The following EGFLAM variants were observed in gnomAD, a reference collection of about 807,000 sequenced individuals.
The protein encoded by EGFLAM is pikachurin.
Under a neutral mutation model 113.1 loss-of-function variants are expected in EGFLAM, and 79 were observed. That is an observed-to-expected ratio of 0.70 (90% confidence interval 0.58 to 0.84). The LOEUF is 0.84. EGFLAM is among the 40% of genes least tolerant of loss of function. The pLI is 0.00. For missense variants in EGFLAM, 1,265 were observed against 1,291.6 expected (o/e 0.98, Z 0.32); for synonymous variants, 504 against 487.6 (o/e 1.03, Z -0.44).
intron 6 of EGFLAM, among the ~76,000 whole-genome samples, chr5:38,374,457 C>T (rs1268870155): frequency 6.6e-6 from 1 of 152,012 alleles, no homozygotes; most frequent in East Asian, 1.9e-4. Flanking sequence ...GGTTTTCTTG[C>T]TGTCTTCTGT....
At chr5:38,283,901 C>T (rs564274730) in intron 1 of EGFLAM, 4 of 152,400 alleles carry the variant, frequency 2.6e-5, no homozygotes, top group East Asian at 3.9e-4. Flanking sequence ...TGTTCCTGCT[C>T]TCTAGTCACA....
intron 5 of EGFLAM, among the ~76,000 whole-genome samples, chr5:38,370,027 A>G (rs572299594): frequency 3.3e-4 from 50 of 152,348 alleles, no homozygotes; most frequent in African/African-American, 1.1e-3. Context: ...TCTTTTCATC[A>G]TAGTGAGGGC....
intron 1 of EGFLAM, among the ~76,000 whole-genome samples, chr5:38,266,261 A>G (rs1380988899): frequency 6.6e-6 from 1 of 152,142 alleles, no homozygotes; most frequent in Middle Eastern, 3.2e-3. Context: ...TATTCCACAC[A>G]TTGGGGTTCA....
chr5:38,339,331 C>T (rs1265731192), intron 3 of EGFLAM, among the ~76,000 whole-genome samples: 1 of 151,876 alleles, frequency 6.6e-6, no homozygotes, highest in Admixed American at 6.6e-5. Flanking sequence ...AATTTTTGGC[C>T]TTAGGCATCT....
chr5:38,459,694 T>C (rs1460286210), intron 20 of EGFLAM, among the ~76,000 whole-genome samples: 1 of 151,942 alleles, frequency 6.6e-6, no homozygotes, highest in Non-Finnish European at 1.5e-5. Flanking sequence ...ATGGCTACTT[T>C]CCTACTCAGC....
Position 38,412,548 on chromosome 5 carries a change from A to G in EGFLAM, c.1394A>G (p.Lys465Arg), listed in dbSNP as rs770384140. The G allele has an allele frequency of 6.2e-7, 1 of 1,614,158 alleles. No individual in the cohort carries two copies. The highest frequency in any genetic ancestry group is 1.1e-5 in the South Asian group (1 of 91,078). The part of the protein sequence containing the change: ...TGVAIIVSET[K>R]IKLGGWHTVM... ...GTTGCCATCATCGTAAGTGAGACCA[A>G]AATCAAACTAGGGGGTTGGCACACG... Residue 465 changes from lysine (K) to arginine (R), a missense_variant, in exon 11 of 22, where the codon AAA (lysine) becomes AGA (arginine). By Grantham distance (26) the Lys-to-Arg change is conservative. Transcript: ENST00000322350.
intron 6 of EGFLAM, among the ~76,000 whole-genome samples, chr5:38,385,563 T>G (rs1444385941): frequency 6.6e-6 from 1 of 152,206 alleles, no homozygotes; most frequent in African/African-American, 2.4e-5. Flanking sequence ...GGATGTGGGT[T>G]AGTTGAATCT....
intron 1 of EGFLAM, among the ~76,000 whole-genome samples, chr5:38,294,023 C>A (rs10037436): frequency 0.04 from 6,100 of 152,270 alleles, 421 homozygotes; most frequent in African/African-American, 0.14. Context: ...GAAAACCACA[C>A]CAAAACTCAA....
At chr5:38,383,985 TA>T (rs1293588808) in intron 6 of EGFLAM, among the ~76,000 whole-genome samples, 5 of 152,046 alleles carry the variant, frequency 3.3e-5, no homozygotes, top group African/African-American at 1.2e-4. Context: ...TCAAATCTTA[TA>T]GGTCCTGATG....
chr5:38,439,156 G>A (rs1024408386), intron 17 of EGFLAM, among the ~76,000 whole-genome samples: 1 of 152,132 alleles, frequency 6.6e-6, no homozygotes, highest in Non-Finnish European at 1.5e-5. Flanking sequence ...TTCGTGGGGA[G>A]AAAAATAAAA....
Position 38,401,090 on chromosome 5 carries a change from C to A in EGFLAM, c.713-5036C>A, listed in dbSNP as rs368111592. ...AACATTATCCATTGAAAAATATGTG[C>A]CTTATTTTACTTGTCGAAATGAGCA... On this transcript the variant is annotated intron_variant, in intron 6 of 21. Transcript: ENST00000322350. 21 of 152,206 alleles carry A rather than the reference C, an allele frequency of 1.4e-4. No homozygotes were observed. In the East Asian group the frequency reaches 3.1e-3, roughly 22 times the overall value. 9.4% of individuals were successfully genotyped at this position (152,206 alleles called of 1,614,324 possible).
At chr5:38,355,979 CA>C (rs1186334699) in intron 5 of EGFLAM, among the ~76,000 whole-genome samples, 3 of 152,166 alleles carry the variant, frequency 2.0e-5, no homozygotes, top group Admixed American at 1.3e-4. Flanking sequence ...AGGCTGGTCT[CA>C]AACTCCTGAC....
chr5:38,389,528 T>C (rs532936292), intron 6 of EGFLAM, among the ~76,000 whole-genome samples: 1 of 152,164 alleles, frequency 6.6e-6, no homozygotes, highest in Admixed American at 6.5e-5. Flanking sequence ...GAAATCACCA[T>C]GTTGAGTCCT....
intron 1 of EGFLAM, among the ~76,000 whole-genome samples, chr5:38,314,310 T>TATCTG (rs1390583488): frequency 3.3e-5 from 5 of 152,224 alleles, no homozygotes; most frequent in Non-Finnish European, 7.3e-5. Context: ...ATTCCAAGGC[T>TATCTG]ATCTGTTCTG....
At position 38,463,952 on chromosome 5, in the gene EGFLAM, A is replaced by G. The variant is rs1743380048; in HGVS notation, c.2996A>G (p.Asp999Gly). The change falls in exon 22 of 22, where the codon GAT becomes GGT. Residue 999 changes from aspartate to glycine, a missense_variant. Asp to Gly is a moderately conservative substitution (Grantham distance 94). Transcript: ENST00000322350. ...ATTTCCCTCGTGGAAGATGCCGTGG[A>G]TGGGAAAAACATCAACACTTGTGGA... ...YHISLVEDAV[D>G]GKNINTCGAK The G allele has an allele frequency of 1.2e-6, 2 of 1,614,226 alleles. No individual in the cohort carries two copies. Among genetic ancestry groups the G allele is most frequent in the Non-Finnish European group, 8.5e-7 (1 of 1,180,038 alleles).
chr5:38,407,166 G>T lies in EGFLAM; in HGVS notation c.1147+20G>T. ...CAGAAGGTAGGCCCTTGGGGGAGAG[G>T]AAGAAGTGGTGATGAATTGGCACCA... On this transcript the variant is annotated intron_variant, in intron 8 of 21. Coordinates refer to ENST00000322350, the MANE Select transcript of EGFLAM (RefSeq NM_152403.4). The T allele has an allele frequency of 6.3e-7, 1 of 1,575,172 alleles. No homozygotes were observed. The highest frequency in any genetic ancestry group is 8.5e-7 in the Non-Finnish European group (1 of 1,171,110).
Position 38,406,964 on chromosome 5 carries a change from C to T in EGFLAM, c.965C>T (p.Ala322Val). 1 of 1,614,226 alleles carries T rather than the reference C, an allele frequency of 6.2e-7. No individual in the cohort carries two copies. ...GCATCTCTCCCTGTGACCACGGTGG[C>T]TCCCCAGCCCATTCCCATACAGAGA... ...TSASLPVTTV[A>V]PQPIPIQRKG... The change falls in exon 8 of 22, where the codon GCT (alanine) becomes GTT (valine). Residue 322 changes from alanine (A) to valine (V), a missense_variant. Ala to Val is a moderately conservative substitution (Grantham distance 64, BLOSUM62 0). Transcript: ENST00000322350.
At chr5:38,335,233 G>T (rs865812382) in intron 1 of EGFLAM, among the ~76,000 whole-genome samples, 3 of 152,144 alleles carry the variant, frequency 2.0e-5, no homozygotes, top group Middle Eastern at 3.2e-3. Flanking sequence ...AATTTTATAG[G>T]TATCCATCCT....
At chr5:38,369,438 A>G (rs556424326) in intron 5 of EGFLAM, among the ~76,000 whole-genome samples, 1 of 152,360 alleles carries the variant, frequency 6.6e-6, no homozygotes, top group South Asian at 2.1e-4. Context: ...GGTATAGAGT[A>G]AGCAGGCAGC....
Sources: allele counts gnomAD v4.1 joint callset (sites outside exome capture counted in the v4.1 genomes callset), GRCh38; gene constraint gnomAD v4.1.1; transcripts MANE v1.5; gene names NCBI Gene and HGNC (gene_info 2026-07-23, HGNC 2026-07-21).